The following NMNAT1 variants were observed in gnomAD, a reference collection of about 807,000 sequenced individuals.
NMNAT1 encodes nicotinamide nucleotide adenylyltransferase 1, also known as nicotinamide/nicotinic acid mononucleotide adenylyltransferase 1.
NMNAT1 carries 11 observed loss-of-function variants against 16.7 expected under a neutral mutation model. The ratio of observed to expected loss-of-function variants is 0.66; its 90% CI spans 0.41 to 1.09. The LOEUF is 1.09. Among genes scored for constraint, NMNAT1 ranks in the 50% least tolerant of loss-of-function variants. The pLI, the probability that NMNAT1 is intolerant of heterozygous loss-of-function variation, is 0.00. For synonymous variants in NMNAT1, 110 were observed against 119.8 expected (o/e 0.92, Z 0.53); for missense variants, 280 against 332.3 (o/e 0.84, Z 1.22).
rs577538367 is a variant in NMNAT1, at chr1:9,984,924, A to G, written c.*2223A>G. 3.9e-5 allele frequency: 6 copies of G among 152,200 alleles called. No homozygotes were observed. In the South Asian group the frequency reaches 1.2e-3, roughly 32 times the overall value. 9.4% of individuals were successfully genotyped at this position (152,200 alleles called of 1,614,324 possible). A position where few individuals can be genotyped will look rare whatever the true frequency, so the allele number is the denominator to read the frequency against. ...GGTTAAAGAATGCTTTTTTTTGGCC[A>G]TCATGAGGATCTAACAACAGAGTAG... On this transcript the variant is annotated 3_prime_UTR_variant, in exon 5 of 5. Transcript: ENST00000377205.
At chr1:9,981,010 T>C in intron 3 of NMNAT1, 21 bp from the exon 4 acceptor site, 1 of 1,591,052 alleles carries the variant, frequency 6.3e-7, no homozygotes, top group Non-Finnish European at 8.5e-7. Flanking sequence ...AGAAATATTC[T>C]ATTGTTTTGT....
chr1:9,984,925 T>A lies in NMNAT1; in HGVS notation c.*2224T>A, dbSNP rs1349188566. ...GTTAAAGAATGCTTTTTTTTGGCCA[T>A]CATGAGGATCTAACAACAGAGTAGA... On this transcript the variant is annotated 3_prime_UTR_variant, in exon 5 of 5. Coordinates refer to ENST00000377205, the MANE Select transcript of NMNAT1 (RefSeq NM_022787.4). 6.6e-6 allele frequency: 1 copy of A among 152,058 alleles called. No homozygotes were observed. Among genetic ancestry groups the A allele is most frequent in the Non-Finnish European group, 1.5e-5 (1 of 68,016 alleles). 9.4% of individuals were successfully genotyped at this position (152,058 alleles called of 1,614,324 possible).
At chr1:9,973,368 T>C (rs1641731881) in intron 2 of NMNAT1, among the ~76,000 whole-genome samples, 1 of 152,128 alleles carries the variant, frequency 6.6e-6, no homozygotes, top group African/African-American at 2.4e-5. Context: ...CCCAAAGTGC[T>C]GGGATCACAG....
At chr1:9,967,270 A>G (rs1358383998) in intron 1 of NMNAT1, 1 of 153,450 alleles carries the variant, frequency 6.5e-6, no homozygotes, top group African/African-American at 2.4e-5. Flanking sequence ...TTGAGTTGAA[A>G]AGAATTTTCT....
chr1:9,996,040 A>G, the NMNAT1 span, among the ~76,000 whole-genome samples: 12 of 148,680 alleles, frequency 8.1e-5, no homozygotes, highest in Non-Finnish European at 1.2e-4. Context: ...TGCCGGGCGC[A>G]GTGGCTCAGG....
intron 1 of NMNAT1, chr1:9,949,517 C>T (rs1204711923): frequency 6.8e-6 from 1 of 146,290 alleles, no homozygotes; most frequent in African/African-American, 2.5e-5. Context: ...TCAAGCGATT[C>T]TCCTGCCTCA....
At position 9,955,403 on chromosome 1, in the gene NMNAT1, C is replaced by CA. The variant is rs71583829; in HGVS notation, c.-57+11907dup. 6.8e-3 allele frequency among the ~76,000 whole-genome samples: 616 copies of CA among 90,768 alleles called. 20 individuals carry two copies. Among genetic ancestry groups the CA allele is most frequent in the African/African-American group, 0.018 (389 of 22,074 alleles). 59.5% of individuals were successfully genotyped at this position (90,768 alleles called of 152,430 possible). On this transcript the variant is annotated intron_variant, in intron 1 of 4. Coordinates refer to ENST00000377205, the MANE Select transcript of NMNAT1 (RefSeq NM_022787.4). ...TGGGGACAAGAGCGAGACTTTGTCT[C>CA]AAAAAAAAAAAAAAAAAAAGAAAGA...
At chr1:9,979,918 T>C (rs1351443929) in intron 3 of NMNAT1, among the ~76,000 whole-genome samples, 1 of 150,950 alleles carries the variant, frequency 6.6e-6, no homozygotes, top group Non-Finnish European at 1.5e-5. Flanking sequence ...ATTTATGATA[T>C]AGGATGTTGA....
chr1:9,979,018 C>A (rs1050950621), intron 3 of NMNAT1, among the ~76,000 whole-genome samples: 3 of 152,182 alleles, frequency 2.0e-5, no homozygotes, highest in African/African-American at 7.2e-5. Context: ...GCTATTAATA[C>A]TTTTAAGTTA....
rs547859415 is a variant in NMNAT1, at chr1:9,981,118, G to T, written c.387G>T (p.Trp129Cys). Reference sequence around the variant, plus strand: ...AAAGGCCTGGAAGGAAGAGGAAGTGGACTGAAACACAAGATTCTAGTCAAA... The same window carrying T: ...AAAGGCCTGGAAGGAAGAGGAAGTGTACTGAAACACAAGATTCTAGTCAAA... ...TLERPGRKRK[W>C]TETQDSSQKK... The change falls in exon 4 of 5, where the codon TGG becomes TGT. Residue 129 changes from tryptophan (W) to cysteine (C), a missense_variant. Physicochemically the swap from Trp to Cys is radical, Grantham distance 215. Transcript: ENST00000377205. The T allele has an allele frequency of 1.2e-6, 2 of 1,613,792 alleles. No individual in the cohort carries two copies. Among genetic ancestry groups the T allele is most frequent in the East Asian group, 2.2e-5 (1 of 44,880 alleles).
At chr1:9,992,373 G>A in the NMNAT1 span, among the ~76,000 whole-genome samples, 1 of 151,916 alleles carries the variant, frequency 6.6e-6, no homozygotes, top group Non-Finnish European at 1.5e-5. Context: ...GTGCCACCAC[G>A]CCCAGCCTAG....
At chr1:9,964,160 G>C (rs1274439465) in intron 1 of NMNAT1, among the ~76,000 whole-genome samples, 1 of 151,874 alleles carries the variant, frequency 6.6e-6, no homozygotes, top group African/African-American at 2.4e-5. Context: ...CCAAAGTGCA[G>C]GGATTACAGG....
At chr1:9,974,240 T>C (rs1224351206) in intron 2 of NMNAT1, among the ~76,000 whole-genome samples, 1 of 150,442 alleles carries the variant, frequency 6.6e-6, no homozygotes, top group African/African-American at 2.4e-5. Flanking sequence ...TTTGTGGAAA[T>C]GGTTCTCACT....
intron 1 of NMNAT1, among the ~76,000 whole-genome samples, chr1:9,962,602 T>C (rs1204608482): frequency 6.6e-6 from 1 of 151,860 alleles, no homozygotes; most frequent in African/African-American, 2.4e-5. Flanking sequence ...GGCCTTCTCA[T>C]TATCTCCATT....
chr1:9,951,253 C>T (rs1403657279), intron 1 of NMNAT1: 2 of 152,062 alleles, frequency 1.3e-5, no homozygotes, highest in African/African-American at 4.8e-5. Flanking sequence ...AGCTGCTCAC[C>T]GACAGGAGCA....
At chr1:9,962,481 GAAA>G (rs200962954) in intron 1 of NMNAT1, among the ~76,000 whole-genome samples, 1 of 122,004 alleles carries the variant, frequency 8.2e-6, no homozygotes. Flanking sequence ...GACTCCGTCT[GAAA>G]AAAAAAAAAA....
At chr1:9,953,707 CTG>C (rs1294294855) in intron 1 of NMNAT1, among the ~76,000 whole-genome samples, 1 of 151,212 alleles carries the variant, frequency 6.6e-6, no homozygotes, top group Non-Finnish European at 1.5e-5. Context: ...TCCCAAAGTG[CTG>C]GGATTGCAGG....
intron 2 of NMNAT1, among the ~76,000 whole-genome samples, chr1:9,973,471 G>A (rs1641734489): frequency 6.6e-6 from 1 of 151,862 alleles, no homozygotes; most frequent in Admixed American, 6.6e-5. Context: ...ACTTTGGGAG[G>A]CCAAGGCAGG....
intron 2 of NMNAT1, among the ~76,000 whole-genome samples, chr1:9,973,445 C>T (rs1460137723): frequency 1.3e-5 from 2 of 148,808 alleles, no homozygotes; most frequent in Non-Finnish European, 1.5e-5. Flanking sequence ...TGGTGGCTTA[C>T]TCCTGGAATC....
Sources: gnomAD v4.1 joint callset for allele counts (sites outside exome capture counted in the v4.1 genomes callset) on GRCh38, gnomAD v4.1.1 for gene constraint, MANE v1.5 for transcripts, NCBI Gene and HGNC (gene_info 2026-07-23, HGNC 2026-07-21) for gene names.